Variants in TTC6 observed in about 807,000 individuals in gnomAD.
TTC6 encodes tetratricopeptide repeat protein 6.
A neutral mutation model predicts 210.4 loss-of-function variants in TTC6; 172 were observed. That is an observed-to-expected ratio of 0.82 (90% CI 0.72 to 0.93). The LOEUF (loss-of-function observed/expected upper bound fraction) is 0.93. Ranked by LOEUF, TTC6 falls within the 40% of genes least tolerant of loss-of-function variation. The pLI is 0.00. For missense variants in TTC6, 2,414 were observed against 2,318.1 expected, an observed-to-expected ratio of 1.04 and a Z score of -0.85; for synonymous variants, 804 against 819.6, an observed-to-expected ratio of 0.98 and a Z score of 0.32.
intron 20 of TTC6, among the ~76,000 whole-genome samples, chr14:37,803,209 C>T (rs1475076137): frequency 6.6e-6 from 1 of 152,204 alleles, no homozygotes; most frequent in Non-Finnish European, 1.5e-5. Flanking sequence ...TACCTGATGT[C>T]ACCATCAGCT....
chr14:37,766,673 C>A (rs974147834), intron 14 of TTC6, among the ~76,000 whole-genome samples: 1 of 152,134 alleles, frequency 6.6e-6, no homozygotes. Context: ...AGTGAACATA[C>A]ACATGCATGT....
intron 1 of TTC6, among the ~76,000 whole-genome samples, chr14:37,639,035 A>C (rs2095686415): frequency 6.6e-6 from 1 of 152,216 alleles, no homozygotes; most frequent in South Asian, 2.1e-4. Context: ...TGTAAAAATA[A>C]GAACATACTA....
At chr14:37,749,919 T>A (rs2095946770) in intron 12 of TTC6, 76 bp downstream of exon 14, 1 of 1,016,206 alleles carries the variant, frequency 9.8e-7, no homozygotes, top group Non-Finnish European at 1.3e-6. Flanking sequence ...ACTATAAGGA[T>A]ACATAAATCA....
At chr14:37,656,514 CGTGT>C (rs35073797) in intron 1 of TTC6, among the ~76,000 whole-genome samples, 47,283 of 147,552 alleles carry the variant, frequency 0.32, 7,567 homozygotes, top group Middle Eastern at 0.44. Flanking sequence ...TGTGTGTGTG[CGTGT>C]GTGTGTGTGT....
intron 1 of TTC6, among the ~76,000 whole-genome samples, chr14:37,655,333 C>G (rs762257320): frequency 5.9e-5 from 9 of 152,178 alleles, no homozygotes; most frequent in Non-Finnish European, 1.0e-4. Flanking sequence ...GATAGTTTCT[C>G]ATATTATTCT....
At chr14:37,636,672 A>C (rs2095681406) in intron 1 of TTC6, among the ~76,000 whole-genome samples, 1 of 152,218 alleles carries the variant, frequency 6.6e-6, no homozygotes. Flanking sequence ...AAAGCATCAG[A>C]TCAATTATCT....
chr14:37,798,316 T>G (rs2096097372), intron 20 of TTC6, among the ~76,000 whole-genome samples: 1 of 152,042 alleles, frequency 6.6e-6, no homozygotes, highest in South Asian at 2.1e-4. Flanking sequence ...TTTGAATAGA[T>G]TTTACATATC....
intron 1 of TTC6, among the ~76,000 whole-genome samples, chr14:37,627,930 A>G (rs1051556911): frequency 3.9e-5 from 6 of 152,082 alleles, no homozygotes; most frequent in Non-Finnish European, 8.8e-5. Flanking sequence ...AAGCGTTCCT[A>G]TTTCTCCACA....
chr14:37,795,593 T>C (rs1455755631), intron 18 of TTC6, among the ~76,000 whole-genome samples: 1 of 152,206 alleles, frequency 6.6e-6, no homozygotes, highest in Non-Finnish European at 1.5e-5. Context: ...AGTGTTTATG[T>C]TCTTTGAGAC....
chr14:37,835,996 T>C (rs562218993), intron 29 of TTC6, among the ~76,000 whole-genome samples: 2 of 152,264 alleles, frequency 1.3e-5, no homozygotes, highest in African/African-American at 4.8e-5. Flanking sequence ...CTTACACTAC[T>C]TGAAACCCTC....
intron 2 of TTC6, among the ~76,000 whole-genome samples, chr14:37,607,826 T>C (rs991568329): frequency 1.3e-5 from 2 of 152,064 alleles, no homozygotes; most frequent in African/African-American, 4.8e-5. Flanking sequence ...GGTGGAGTCT[T>C]GCTATGTTGC....
chr14:37,764,284 G>C (rs1415601153), intron 14 of TTC6, among the ~76,000 whole-genome samples: 3 of 152,124 alleles, frequency 2.0e-5, no homozygotes, highest in Admixed American at 1.3e-4. Context: ...TGTTTGTTAG[G>C]TCTAGTTAGT....
At chr14:37,776,563 TC>T (rs1343332817) in intron 14 of TTC6, among the ~76,000 whole-genome samples, 1 of 152,182 alleles carries the variant, frequency 6.6e-6, no homozygotes, top group Non-Finnish European at 1.5e-5. Flanking sequence ...ATTTTATTTC[TC>T]CTTTACTTAT....
rs376011903 is a variant in TTC6, at chr14:37,662,495, C to T, written c.940-17656C>T. 2.6e-5 allele frequency among the ~76,000 whole-genome samples: 4 copies of T among 152,204 alleles called. No homozygotes were observed. In the East Asian group the frequency reaches 5.8e-4, roughly 22 times the overall value. ...GTTGAACCAGCCTTGCATCCTGGGA[C>T]TGAAGCCAACTTGATCGTGGTCTTC... On this transcript the variant is annotated intron_variant, in intron 1 of 30. Transcript: ENST00000553443.
intron 6 of TTC6, among the ~76,000 whole-genome samples, chr14:37,721,254 T>A (rs1214362894): frequency 2.6e-5 from 4 of 152,188 alleles, no homozygotes; most frequent in Non-Finnish European, 5.9e-5. Flanking sequence ...GTACTTTGAA[T>A]GGCTCTTTTA....
chr14:37,631,497 G>T (rs1287936433), intron 1 of TTC6, among the ~76,000 whole-genome samples: 1 of 152,176 alleles, frequency 6.6e-6, no homozygotes, highest in African/African-American at 2.4e-5. Context: ...AGTCTGATGG[G>T]CTTCCCTTTG....
chr14:37,606,495 C>G (rs1292546646), intron 1 of TTC6, among the ~76,000 whole-genome samples, 168 bp from the exon 2 acceptor site: 1 of 152,136 alleles, frequency 6.6e-6, no homozygotes. Flanking sequence ...CCATCAGCAG[C>G]TCCTCTTCCA....
intron 1 of TTC6, among the ~76,000 whole-genome samples, chr14:37,651,645 G>GC (rs2095713342): frequency 6.6e-6 from 1 of 151,778 alleles, no homozygotes; most frequent in Admixed American, 6.6e-5. Flanking sequence ...AGGGTGCCAG[G>GC]CACTGTGGTG....
chr14:37,680,933 G>A (rs762738062), intron 2 of TTC6, among the ~76,000 whole-genome samples: 65 of 152,042 alleles, frequency 4.3e-4, no homozygotes, highest in Admixed American at 9.2e-4. Flanking sequence ...TCATTTTTAG[G>A]TTAGCATATC....
Sources: gnomAD v4.1 joint callset for allele counts (sites outside exome capture counted in the v4.1 genomes callset) on GRCh38, gnomAD v4.1.1 for gene constraint, MANE v1.5 for transcripts, NCBI Gene and HGNC (gene_info 2026-07-23, HGNC 2026-07-21) for gene names.